The following NFIB variants were observed in gnomAD, a reference collection of about 807,000 sequenced individuals.
The protein encoded by NFIB is nuclear factor 1 B-type.
NFIB carries 11 observed loss-of-function variants against 61.5 expected under a neutral mutation model. The observed-to-expected ratio is 0.18, with a 90% CI of 0.11 to 0.30. The LOEUF (loss-of-function observed/expected upper bound fraction) is 0.30. NFIB is among the 10% of genes least tolerant of loss of function. The pLI is 1.00. For synonymous variants in NFIB, 260 were observed against 216.5 expected, an observed-to-expected ratio of 1.20 and a Z score of -1.76; for missense variants, 471 against 608.9, an observed-to-expected ratio of 0.77 and a Z score of 2.38.
chr9:14,226,636 A>C (rs1040979006), intron 2 of NFIB, among the ~76,000 whole-genome samples: 1 of 152,220 alleles, frequency 6.6e-6, no homozygotes, highest in African/African-American at 2.4e-5. Flanking sequence ...GCATATATTT[A>C]AAAATTAGTC....
chr9:14,101,511 G>A (rs1226654228), intron 10 of NFIB, among the ~76,000 whole-genome samples: 1 of 152,148 alleles, frequency 6.6e-6, no homozygotes, highest in African/African-American at 2.4e-5. Flanking sequence ...GACACTTTCC[G>A]TAAACGGAGG....
At chr9:14,143,650 G>C (rs528492556) in intron 6 of NFIB, among the ~76,000 whole-genome samples, 26 of 152,268 alleles carry the variant, frequency 1.7e-4, no homozygotes, top group African/African-American at 5.8e-4. Flanking sequence ...GTATCAATTA[G>C]TGCAGGGCTT....
In NFIB at chr9:14,085,301, G is replaced by T. The variant is rs1370020344; in HGVS notation, c.*3008C>A. On this transcript the variant is annotated 3_prime_UTR_variant, in exon 11 of 11. Transcript: ENST00000380953. ...CCATGGCCTAGGGGAAGGGGGCCAG[G>T]GGACTCCTTAAGACAGCCTACCATG... 2.7e-5 allele frequency: 6 copies of T among 226,292 alleles called. No homozygotes were observed. The highest frequency in any genetic ancestry group is 5.7e-5 in the Admixed American group (1 of 17,498). The allele number at this position is 226,292 out of a possible 1,614,324, so 14.0% of individuals were successfully genotyped here. A position where few individuals can be genotyped will look rare whatever the true frequency, so the allele number is the denominator to read the frequency against.
chr9:14,307,943 A>AT lies in NFIB; in HGVS notation c.31-424dup, dbSNP rs112524482. The AT allele has an allele frequency of 0.09, 13,667 of 152,478 alleles. 817 individuals are homozygous for AT. The highest frequency in any genetic ancestry group is 0.2 in the East Asian group (1,049 of 5,194). The allele number at this position is 152,478 out of a possible 1,614,324, so 9.4% of individuals were successfully genotyped here. ...ACCATTTTACAAAGAACACAGTGAG[A>AT]TTTTTTTTTTTTAATCGGAGTAGAG... On this transcript the variant is annotated intron_variant, in intron 1 of 10. Transcript: ENST00000380953. This position sits in a 1 kb window ranked among gnomAD's most constrained non-coding sequence, Gnocchi z 5.3.
At chr9:14,274,066 G>A (rs926768542) in intron 2 of NFIB, among the ~76,000 whole-genome samples, 5 of 152,124 alleles carry the variant, frequency 3.3e-5, no homozygotes, top group African/African-American at 1.2e-4. Context: ...AGCCTAACTT[G>A]AAGTGTAAAT....
chr9:14,248,728 C>A (rs774207796), intron 2 of NFIB, among the ~76,000 whole-genome samples: 1 of 152,168 alleles, frequency 6.6e-6, no homozygotes, highest in Admixed American at 6.5e-5. Context: ...AAGAAAGCAC[C>A]AGTTCAGCAA....
At chr9:14,337,520 T>C (rs1015783006) in intron 1 of NFIB, among the ~76,000 whole-genome samples, 2 of 152,216 alleles carry the variant, frequency 1.3e-5, no homozygotes, top group Admixed American at 1.3e-4. Flanking sequence ...GGGTCATTAT[T>C]GCATTGGTGT....
chr9:14,201,543 C>T (rs2049031293), intron 2 of NFIB, among the ~76,000 whole-genome samples: 1 of 152,202 alleles, frequency 6.6e-6, no homozygotes, highest in Non-Finnish European at 1.5e-5. Flanking sequence ...CTTCCTGAAC[C>T]TTATTGCCCC....
the NFIB span, among the ~76,000 whole-genome samples, chr9:14,485,864 G>A: frequency 3.3e-5 from 5 of 151,596 alleles, no homozygotes; most frequent in Non-Finnish European, 7.4e-5. Context: ...GACAGAGTGA[G>A]ACTCTGTCTC....
chr9:14,269,728 C>T (rs539076851), intron 2 of NFIB, among the ~76,000 whole-genome samples: 2 of 152,166 alleles, frequency 1.3e-5, no homozygotes, highest in Admixed American at 6.5e-5. Context: ...CTATATGTCC[C>T]GATTTTTTTT....
chr9:14,314,108 A>T lies in NFIB; in HGVS notation c.-597T>A. ...GGCGAAACTTTGCCGCGAGCCGACCATGTGTGTGCGCGAGGGGCAGCGTGA... is the reference window on the plus strand; with the variant it reads ...GGCGAAACTTTGCCGCGAGCCGACCTTGTGTGTGCGCGAGGGGCAGCGTGA... On this transcript the variant is annotated 5_prime_UTR_variant, in exon 1 of 11. An upstream start codon of the reference 5' UTR is lost. Coordinates refer to ENST00000380953, the MANE Select transcript of NFIB (RefSeq NM_001190737.2). 1 of 998,316 alleles carries T rather than the reference A, an allele frequency of 1.0e-6. No individual in the cohort carries two copies. Among genetic ancestry groups the T allele is most frequent in the Non-Finnish European group, 1.2e-6 (1 of 840,618 alleles). 61.8% of individuals were successfully genotyped at this position (998,316 alleles called of 1,614,324 possible).
At chr9:14,117,538 A>T (rs922714992) in intron 8 of NFIB, among the ~76,000 whole-genome samples, 8 of 152,164 alleles carry the variant, frequency 5.3e-5, no homozygotes, top group Non-Finnish European at 1.0e-4. Flanking sequence ...CTGCACATAA[A>T]TTACAAGTAG....
the NFIB span, among the ~76,000 whole-genome samples, chr9:14,468,555 G>A: frequency 2.6e-5 from 4 of 152,194 alleles, no homozygotes; most frequent in East Asian, 3.8e-4. Flanking sequence ...TTCTGAGTGT[G>A]TAAAAATTGC....
At chr9:14,322,832 A>T (rs2060695838) in intron 1 of NFIB, among the ~76,000 whole-genome samples, 1 of 149,742 alleles carries the variant, frequency 6.7e-6, no homozygotes, top group Non-Finnish European at 1.5e-5. Context: ...GTGCGGCCGC[A>T]TGGGGCCGGA....
rs530205629 is a variant in NFIB at position 14,236,519 on chromosome 9, G to A, written c.563-56739C>T. ...ATTTTCATGTATCTAGATTTAGGAC[G>A]ATGCATGTGGAATTGTAGAGCCACT... On this transcript the variant is annotated intron_variant, in intron 2 of 10. Transcript: ENST00000380953. Among the ~76,000 whole-genome samples the A allele has an allele frequency of 2.0e-5, 3 of 152,270 alleles. No individual in the cohort carries two copies. The East Asian group carries it at 5.8e-4, about 29-fold the overall frequency.
intron 10 of NFIB, among the ~76,000 whole-genome samples, chr9:14,092,919 T>G (rs1377792995): frequency 6.6e-6 from 1 of 152,092 alleles, no homozygotes; most frequent in African/African-American, 2.4e-5. Context: ...AGTAAAGAGC[T>G]ATACCTTTCA....
At chr9:14,155,938 G>A in intron 3 of NFIB, 45 bp from the exon 4 acceptor site, 1 of 1,223,158 alleles carries the variant, frequency 8.2e-7, no homozygotes, top group Non-Finnish European at 1.2e-6. Context: ...TAAGCAGAAA[G>A]TAAAATAAAT....
At chr9:14,287,879 G>T (rs934317674) in intron 2 of NFIB, among the ~76,000 whole-genome samples, 4 of 152,062 alleles carry the variant, frequency 2.6e-5, no homozygotes, top group Admixed American at 2.6e-4. Flanking sequence ...CAGCAAAAAA[G>T]TATAAATTTG....
At chr9:14,427,951 T>TTTTTG in the NFIB span, among the ~76,000 whole-genome samples, 7 of 112,894 alleles carry the variant, frequency 6.2e-5, no homozygotes, top group African/African-American at 1.3e-4. Flanking sequence ...TTTTTTTTTT[T>TTTTTG]TTTTTTTTTT....
Sources: allele counts gnomAD v4.1 joint callset (sites outside exome capture counted in the v4.1 genomes callset), GRCh38; gene constraint gnomAD v4.1.1; non-coding constraint Gnocchi (gnomAD v3.1); transcripts MANE v1.5; gene names NCBI Gene and HGNC (gene_info 2026-07-23, HGNC 2026-07-21).